KTN1: variants seen among roughly 807,000 people sequenced by gnomAD.
KTN1 encodes kinectin.
KTN1 carries 130 observed loss-of-function variants against 222.5 expected under a neutral mutation model. The observed-to-expected ratio is 0.58, with a 90% CI of 0.51 to 0.68. The LOEUF is 0.68. KTN1 is among the 30% of genes least tolerant of loss of function. The pLI is 0.00. For missense variants in KTN1, 1,508 were observed against 1,500.4 expected (o/e 1.01, Z -0.08); for synonymous variants, 512 against 496.3 (o/e 1.03, Z -0.42).
At chr14:55,631,837 A>G (rs754125057) in intron 7 of KTN1, among the ~76,000 whole-genome samples, 1 of 152,074 alleles carries the variant, frequency 6.6e-6, no homozygotes, top group Non-Finnish European at 1.5e-5. Flanking sequence ...ATTCTTAGAC[A>G]TGTCTTTAGT....
At chr14:55,672,336 T>A (rs1339662435) in intron 37 of KTN1, 1 of 260,438 alleles carries the variant, frequency 3.8e-6, no homozygotes, top group Non-Finnish European at 7.2e-6. Flanking sequence ...GAATTTACAG[T>A]TGCTGATGGT....
chr14:55,682,768 T>G (rs2046481296), intron 43 of KTN1: 1 of 152,194 alleles, frequency 6.6e-6, no homozygotes, highest in Admixed American at 6.5e-5. Flanking sequence ...GGGCTTGTGT[T>G]CTTAATCAGT....
chr14:55,609,205 A>G (rs1404854544), intron 1 of KTN1, among the ~76,000 whole-genome samples: 3 of 151,896 alleles, frequency 2.0e-5, no homozygotes, highest in African/African-American at 4.8e-5. Flanking sequence ...CTGTGTCCAT[A>G]TGTTCTCAGT....
intron 1 of KTN1, among the ~76,000 whole-genome samples, chr14:55,595,731 T>C (rs1276167031): frequency 1.3e-5 from 2 of 152,246 alleles, no homozygotes. Flanking sequence ...ATCAATCTTG[T>C]CTCCAAGGAT....
chr14:55,682,468 TC>T (rs939727873), intron 43 of KTN1: 6 of 152,182 alleles, frequency 3.9e-5, no homozygotes, highest in African/African-American at 1.2e-4. Context: ...TCTAACCAAA[TC>T]AGAAAACTTT....
intron 1 of KTN1, among the ~76,000 whole-genome samples, chr14:55,599,184 T>A (rs2035557530): frequency 6.6e-6 from 1 of 152,206 alleles, no homozygotes. Flanking sequence ...TCTGTTTTTT[T>A]ATGAGTGTTT....
chr14:55,681,055 T>C (rs2046322054), intron 43 of KTN1: 2 of 200,134 alleles, frequency 1.0e-5, no homozygotes, highest in South Asian at 9.5e-5. Context: ...ACCACCCTTA[T>C]TTTTTTACTT....
intron 1 of KTN1, among the ~76,000 whole-genome samples, chr14:55,595,182 C>T (rs937676204): frequency 5.1e-5 from 7 of 136,492 alleles, no homozygotes; most frequent in East Asian, 2.0e-4. Flanking sequence ...ATATGATTTA[C>T]GCTGATGGGA....
chr14:55,596,154 C>CAAAAAAAAAAAAAAAAAAAAAAAAAAAAA (rs71448460), intron 1 of KTN1, among the ~76,000 whole-genome samples: 5 of 61,106 alleles, frequency 8.2e-5, no homozygotes, highest in African/African-American at 1.4e-4. Flanking sequence ...GACTCAATAG[C>CAAAAAAAAAAAAAAAAAAAAAAAAAAAAA]AAAAAAAAAA....
intron 1 of KTN1, among the ~76,000 whole-genome samples, chr14:55,588,750 G>A (rs950276944): frequency 6.6e-6 from 1 of 152,102 alleles, no homozygotes; most frequent in African/African-American, 2.4e-5. Flanking sequence ...ATGGCACCAT[G>A]TACAGTAACC....
At chr14:55,669,191 C>T (rs2045207186) in intron 34 of KTN1, among the ~76,000 whole-genome samples, 1 of 151,738 alleles carries the variant, frequency 6.6e-6, no homozygotes, top group Admixed American at 6.6e-5. Context: ...AATTTCTGTT[C>T]TTCAAAGATT....
intron 1 of KTN1, among the ~76,000 whole-genome samples, chr14:55,597,441 TTGTG>T (rs758570222): frequency 2.0e-5 from 3 of 152,238 alleles, no homozygotes; most frequent in Non-Finnish European, 4.4e-5. Context: ...TGTTTTTAGA[TTGTG>T]TGTAAGATTT....
intron 40 of KTN1, 177 bp downstream of exon 40, chr14:55,673,432 C>T (rs1275715408): frequency 4.8e-6 from 2 of 418,206 alleles, no homozygotes; most frequent in East Asian, 7.0e-5. Context: ...TTTCTTGACT[C>T]CTAAAATGAT....
chr14:55,677,446 T>TA (rs1566859152), intron 41 of KTN1, among the ~76,000 whole-genome samples: 1 of 142,674 alleles, frequency 7.0e-6, no homozygotes, highest in Admixed American at 7.3e-5. Flanking sequence ...TACTGCACTC[T>TA]AGCCTGGGTG....
intron 18 of KTN1, chr14:55,644,498 T>C: frequency 1.5e-6 from 1 of 680,228 alleles, no homozygotes; most frequent in Non-Finnish European, 2.7e-6. Flanking sequence ...GGATTTAGGC[T>C]TGCAGATGGT....
At chr14:55,650,727 T>G in intron 24 of KTN1, 90 bp downstream of exon 24, 2 of 933,860 alleles carry the variant, frequency 2.1e-6, no homozygotes, top group Non-Finnish European at 3.4e-6. Context: ...CAGAAAAAAC[T>G]TAGTATGCTG....
chr14:55,613,990 T>G (rs7140434), intron 2 of KTN1, among the ~76,000 whole-genome samples: 13,576 of 152,186 alleles, frequency 0.089, 1,616 homozygotes, highest in African/African-American at 0.27. Flanking sequence ...TTGAATCGCT[T>G]CATCAAGCAG....
intron 24 of KTN1, 166 bp from the exon 25 acceptor site, chr14:55,651,724 G>A: frequency 1.8e-6 from 1 of 547,250 alleles, no homozygotes; most frequent in Non-Finnish European, 3.3e-6. Flanking sequence ...TAATTTTCCT[G>A]TTATTGGAGT....
At chr14:55,583,284 T>TA (rs201407373) in intron 1 of KTN1, among the ~76,000 whole-genome samples, 2,783 of 152,290 alleles carry the variant, frequency 0.018, 49 homozygotes, top group African/African-American at 0.047. Flanking sequence ...TTTTCTTTTT[T>TA]AAAAAATGGT....
Sources: gnomAD v4.1 joint callset for allele counts (sites outside exome capture counted in the v4.1 genomes callset) on GRCh38, gnomAD v4.1.1 for gene constraint, MANE v1.5 for transcripts, NCBI Gene and HGNC (gene_info 2026-07-23, HGNC 2026-07-21) for gene names.